Variants in DTX2 observed in about 807,000 individuals in gnomAD.
DTX2 encodes the protein deltex E3 ubiquitin ligase 2.
A neutral mutation model predicts 55.3 loss-of-function variants in DTX2; 29 were observed. The observed-to-expected ratio is 0.52, with a 90% CI of 0.39 to 0.71. DTX2 has a LOEUF of 0.71. Ranked by LOEUF, DTX2 falls within the 30% of genes least tolerant of loss-of-function variation. The probability of loss-of-function intolerance (pLI) is 0.00; values close to 1 mark genes in which losing one functional copy is unlikely to be tolerated. For missense variants in DTX2, 537 were observed against 822.5 expected (o/e 0.65, Z 4.25); for synonymous variants, 276 against 340.4 (o/e 0.81, Z 2.08).
At chr7:76,494,327 C>T (rs1638150) in intron 5 of DTX2, among the ~76,000 whole-genome samples, 803 of 66,150 alleles carry the variant, frequency 0.012, 2 homozygotes, top group Middle Eastern at 0.033. Context: ...AAGTCCCTGC[C>T]CACTGAAGTC....
chr7:76,466,322 A>T (rs1413420484), intron 2 of DTX2, among the ~76,000 whole-genome samples: 2 of 151,122 alleles, frequency 1.3e-5, no homozygotes, highest in African/African-American at 4.9e-5. Flanking sequence ...TTCCTTATTT[A>T]GTAAGTTATT....
chr7:76,482,764 A>G lies in DTX2; in HGVS notation c.525A>G (p.Gln175=), dbSNP rs769857912. The change falls in exon 4 of 11, where the codon CAA becomes CAG. Residue 175 remains glutamine (Q), a synonymous_variant. Coordinates refer to ENST00000430490, the MANE Select transcript of DTX2 (RefSeq NM_001102594.3). ...TSSFCRSVRR[Q]AGPPYPVTTI... is the part of the protein sequence containing the mutation. ...GCTTCTGCCGCAGCGTGCGGCGCCA[A>G]GCAGGGCCGCCTTACCCGGTGACCA... The G allele has an allele frequency of 1.9e-6, 3 of 1,613,878 alleles. No individual in the cohort carries two copies. Among genetic ancestry groups the G allele is most frequent in the Non-Finnish European group, 2.5e-6 (3 of 1,179,830 alleles).
chr7:76,502,006 C>G, intron 7 of DTX2: 1 of 416,626 alleles, frequency 2.4e-6, no homozygotes, highest in Non-Finnish European at 4.2e-6. Flanking sequence ...CTTGCCTCAG[C>G]CTCCCGAGTA....
chr7:76,501,654 G>A (rs956285115), intron 7 of DTX2, among the ~76,000 whole-genome samples: 2 of 151,448 alleles, frequency 1.3e-5, no homozygotes, highest in Non-Finnish European at 2.9e-5. Flanking sequence ...CCATGAGCTG[G>A]CTCCTCGTTC....
chr7:76,472,043 G>C (rs1807979921), intron 2 of DTX2: 1 of 149,350 alleles, frequency 6.7e-6, no homozygotes, highest in African/African-American at 2.5e-5. Context: ...GACGTGGGAG[G>C]CACTGGCCTG....
rs1468552851 is a variant in DTX2, at chr7:76,483,615, C to T, written c.908+468C>T. 6.7e-5 allele frequency among the ~76,000 whole-genome samples: 10 copies of T among 149,822 alleles called. No individual in the cohort carries two copies. The East Asian group carries it at 2.0e-3, about 29-fold the overall frequency. ...GTGAGGGAGGGCAGAATGTGGAGCA[C>T]GTGGCAGTGGCTGCAGGTGGCATGG... is the stretch of plus-strand genomic sequence containing the variant. On this transcript the variant is annotated intron_variant, in intron 4 of 10. Transcript: ENST00000430490.
rs1161351452 is a variant in DTX2, at chr7:76,494,350, C to T, written c.1009+2097C>T. ...GCCCACTGAAGTCACCGTGCGGCGCCGTAGGGAAATCACAGTGTACCGTGT... is the reference window on the plus strand; with the variant it reads ...GCCCACTGAAGTCACCGTGCGGCGCTGTAGGGAAATCACAGTGTACCGTGT... On this transcript the variant is annotated intron_variant, in intron 5 of 10. Transcript: ENST00000430490. Among the ~76,000 whole-genome samples the T allele has an allele frequency of 3.3e-5, 3 of 90,532 alleles. 1 individual carries two copies. The highest frequency in any genetic ancestry group is 7.2e-5 in the Non-Finnish European group (3 of 41,946). 59.4% of individuals were successfully genotyped at this position (90,532 alleles called of 152,430 possible). A position where few individuals can be genotyped will look rare whatever the true frequency, so the allele number is the denominator to read the frequency against.
At chr7:76,501,326 C>T (rs550804327) in intron 7 of DTX2, 9 of 455,646 alleles carry the variant, frequency 2.0e-5, no homozygotes, top group Non-Finnish European at 3.1e-5. Context: ...CCTGAACGTC[C>T]TCCTCATGTG....
At chr7:76,475,271 A>G (rs62475646) in intron 2 of DTX2, among the ~76,000 whole-genome samples, 29,937 of 151,064 alleles carry the variant, frequency 0.2, 3,221 homozygotes, top group South Asian at 0.29. Flanking sequence ...AGATCACGCC[A>G]TTGCACTCCA....
At chr7:76,472,996 CG>C (rs1451514165) in intron 2 of DTX2, among the ~76,000 whole-genome samples, 2 of 151,776 alleles carry the variant, frequency 1.3e-5, no homozygotes, top group Non-Finnish European at 2.9e-5. Context: ...TTTTCTTTTC[CG>C]TTTTTTTTAA....
At chr7:76,480,819 C>A (rs906312994) in intron 3 of DTX2, 42 bp downstream of exon 3, 7 of 1,532,248 alleles carry the variant, frequency 4.6e-6, no homozygotes, top group Non-Finnish European at 6.1e-6. Context: ...GGGTGCCGCA[C>A]CTGCTTTCCC....
At chr7:76,486,814 C>T (rs2430310) in intron 4 of DTX2, among the ~76,000 whole-genome samples, 1 of 142,216 alleles carries the variant, frequency 7.0e-6, no homozygotes, top group Non-Finnish European at 1.6e-5. Context: ...TGCAAAACGG[C>T]GCTCAGCTCT....
At chr7:76,481,789 CT>C (rs933824485) in intron 3 of DTX2, among the ~76,000 whole-genome samples, 16 of 142,862 alleles carry the variant, frequency 1.1e-4, no homozygotes, top group African/African-American at 3.1e-4. Context: ...CTGGTTTTTC[CT>C]TTTTTTTTTC....
intron 3 of DTX2, among the ~76,000 whole-genome samples, chr7:76,482,169 C>T (rs1021817155): frequency 6.6e-6 from 1 of 151,240 alleles, no homozygotes; most frequent in African/African-American, 2.4e-5. Flanking sequence ...AAGTGTTAAT[C>T]GGGGAATGAA....
At chr7:76,478,623 G>C (rs567870185) in intron 2 of DTX2, 2 of 142,500 alleles carry the variant, frequency 1.4e-5, no homozygotes, top group East Asian at 5.2e-4. Context: ...ATGTTGCCCA[G>C]GCTGGCCTCA....
chr7:76,480,871 C>T lies in DTX2; in HGVS notation c.268+94C>T. 3.6e-6 allele frequency: 5 copies of T among 1,398,954 alleles called. No homozygotes were observed. The South Asian group carries it at 6.0e-5, about 17-fold the overall frequency. 86.7% of individuals were successfully genotyped at this position (1,398,954 alleles called of 1,614,324 possible). A position where few individuals can be genotyped will look rare whatever the true frequency, so the allele number is the denominator to read the frequency against. ...GTGTTGGGGTGATGGACGTGACTTA[C>T]AGAGCTTCTGCTCTCTCCCTGCAGC... On this transcript the variant is annotated intron_variant, in intron 3 of 10. Transcript: ENST00000430490.
At chr7:76,465,333 G>A (rs930673414) in intron 2 of DTX2, among the ~76,000 whole-genome samples, 1 of 139,226 alleles carries the variant, frequency 7.2e-6, no homozygotes, top group Non-Finnish European at 1.5e-5. Flanking sequence ...TAGATGAGGG[G>A]ATGGAAGGGA....
At chr7:76,478,414 ATTT>A (rs559041165) in intron 2 of DTX2, among the ~76,000 whole-genome samples, 2 of 120,446 alleles carry the variant, frequency 1.7e-5, no homozygotes, top group African/African-American at 3.6e-5. Flanking sequence ...ATCAGCTCTG[ATTT>A]TTTTTTTTTT....
chr7:76,496,161 G>T (rs1370883734), intron 5 of DTX2, among the ~76,000 whole-genome samples: 1 of 84,128 alleles, frequency 1.2e-5, no homozygotes, highest in Non-Finnish European at 2.4e-5. Flanking sequence ...TGCCCACCTC[G>T]GCTCTGCTGC....
Sources: allele counts gnomAD v4.1 joint callset (sites outside exome capture counted in the v4.1 genomes callset), GRCh38; gene constraint gnomAD v4.1.1; transcripts MANE v1.5; gene names NCBI Gene and HGNC (gene_info 2026-07-23, HGNC 2026-07-21).